Variants in SV2C observed in about 807,000 individuals in gnomAD.
SV2C encodes synaptic vesicle glycoprotein 2C, also known as solute carrier family 22 member B3.
A neutral mutation model predicts 79.7 loss-of-function variants in SV2C; 49 were observed. The ratio of observed to expected loss-of-function variants is 0.61; its 90% CI spans 0.49 to 0.78. SV2C has a LOEUF of 0.78. Ranked by LOEUF, SV2C falls within the 30% of genes least tolerant of loss-of-function variation. The pLI is 0.00. For missense variants in SV2C, 833 were observed against 912.9 expected (o/e 0.91, Z 1.13); for synonymous variants, 334 against 333.2 (o/e 1.00, Z -0.03).
chr5:75,916,580 T>G, the SV2C span, among the ~76,000 whole-genome samples: 1 of 152,078 alleles, frequency 6.6e-6, no homozygotes, highest in Non-Finnish European at 1.5e-5. Flanking sequence ...GTTCAAGTGA[T>G]TGTCCCTGCC....
the SV2C span, among the ~76,000 whole-genome samples, chr5:75,892,790 T>A: frequency 6.6e-6 from 1 of 152,008 alleles, no homozygotes; most frequent in Non-Finnish European, 1.5e-5. Context: ...TGCGTTGTAT[T>A]CCATGTATCA....
At chr5:76,207,400 G>A (rs557031313) in intron 3 of SV2C, among the ~76,000 whole-genome samples, 11 of 152,128 alleles carry the variant, frequency 7.2e-5, no homozygotes, top group East Asian at 5.8e-4. Flanking sequence ...GCAGAGAAAC[G>A]GATTCTTCAC....
At chr5:76,085,855 A>ACACACACG (rs1747174753) in intron 1 of SV2C, among the ~76,000 whole-genome samples, 1 of 151,896 alleles carries the variant, frequency 6.6e-6, no homozygotes, top group Non-Finnish European at 1.5e-5. Context: ...ACACACACAC[A>ACACACACG]CACAGAATTT....
the SV2C span, among the ~76,000 whole-genome samples, chr5:76,077,938 TTGGAA>T: frequency 6.6e-6 from 1 of 152,106 alleles, no homozygotes; most frequent in Non-Finnish European, 1.5e-5. Context: ...ATTGTACTGG[TTGGAA>T]TGAATACCTG....
chr5:76,006,423 A>G, the SV2C span, among the ~76,000 whole-genome samples: 2 of 152,210 alleles, frequency 1.3e-5, no homozygotes, highest in African/African-American at 2.4e-5. Context: ...GCAGTGTACA[A>G]TATGGGGGCA....
At chr5:76,340,189 A>G (rs1354747629) in intron 12 of SV2C, among the ~76,000 whole-genome samples, 1 of 152,212 alleles carries the variant, frequency 6.6e-6, no homozygotes, top group East Asian at 1.9e-4. Context: ...AGGGGGAGGA[A>G]CCCTCAGTTA....
chr5:76,342,053 G>T (rs1481706851), intron 12 of SV2C, among the ~76,000 whole-genome samples: 1 of 152,150 alleles, frequency 6.6e-6, no homozygotes, highest in African/African-American at 2.4e-5. Flanking sequence ...CACAAAAGCA[G>T]CCTGCACAGG....
the SV2C span, among the ~76,000 whole-genome samples, chr5:75,992,068 C>A: frequency 1.3e-5 from 2 of 151,840 alleles, no homozygotes; most frequent in Non-Finnish European, 2.9e-5. Context: ...ACTGGGATTT[C>A]AATTGGGTTT....
chr5:76,146,796 T>TAAAAA (rs1561236349), intron 2 of SV2C, among the ~76,000 whole-genome samples: 5 of 67,096 alleles, frequency 7.5e-5, no homozygotes, highest in Non-Finnish European at 1.3e-4. Context: ...GAGTTTTTTT[T>TAAAAA]TAAAAAAAAA....
intron 2 of SV2C, among the ~76,000 whole-genome samples, chr5:76,163,525 AC>A (rs1742958424): frequency 6.6e-6 from 1 of 152,150 alleles, no homozygotes; most frequent in Admixed American, 6.5e-5. Context: ...GTGCTGTCAC[AC>A]CAGCTAGTTT....
intron 12 of SV2C, among the ~76,000 whole-genome samples, chr5:76,319,647 C>T (rs906719121): frequency 6.6e-6 from 1 of 152,084 alleles, no homozygotes; most frequent in Non-Finnish European, 1.5e-5. Flanking sequence ...TTTCAAAACC[C>T]TCAGATACCA....
At chr5:75,911,568 C>T in the SV2C span, 7 of 671,082 alleles carry the variant, frequency 1.0e-5, no homozygotes, top group Admixed American at 1.6e-4. Context: ...CCCTAGAGTT[C>T]TCCCCTAATC....
the SV2C span, among the ~76,000 whole-genome samples, chr5:75,895,256 T>C: frequency 6.6e-6 from 1 of 152,042 alleles, no homozygotes; most frequent in African/African-American, 2.4e-5. Flanking sequence ...TTATATAACA[T>C]TGAAATAAAT....
At chr5:76,039,464 AAG>A in the SV2C span, among the ~76,000 whole-genome samples, 1 of 152,164 alleles carries the variant, frequency 6.6e-6, no homozygotes, top group Non-Finnish European at 1.5e-5. Flanking sequence ...TTGTACAGAA[AAG>A]AAATTGAGGC....
chr5:75,905,419 T>C, the SV2C span, among the ~76,000 whole-genome samples: 1 of 152,202 alleles, frequency 6.6e-6, no homozygotes, highest in Non-Finnish European at 1.5e-5. Context: ...AAAAGATGTA[T>C]GCCCATGTTG....
the SV2C span, among the ~76,000 whole-genome samples, chr5:76,011,478 T>C: frequency 6.6e-6 from 1 of 152,190 alleles, no homozygotes. Flanking sequence ...TTAAACATGA[T>C]GCCTAACACA....
chr5:76,290,445 C>A (rs555253974), intron 6 of SV2C, among the ~76,000 whole-genome samples: 2 of 152,294 alleles, frequency 1.3e-5, no homozygotes, highest in East Asian at 1.9e-4. Context: ...ACAGGTAAAT[C>A]TTGATTAGCA....
At chr5:76,174,208 A>G (rs751825464) in intron 2 of SV2C, 3 of 1,607,592 alleles carry the variant, frequency 1.9e-6, no homozygotes, top group Admixed American at 1.7e-5. Context: ...AAAACCTAGT[A>G]CTCTGCGAAC....
the SV2C span, among the ~76,000 whole-genome samples, chr5:76,064,104 C>T: frequency 2.0e-5 from 3 of 152,316 alleles, no homozygotes; most frequent in South Asian, 4.1e-4. Flanking sequence ...TATCCTCTTA[C>T]TCCACACAGA....
Sources: allele counts gnomAD v4.1 joint callset (sites outside exome capture counted in the v4.1 genomes callset), GRCh38; gene constraint gnomAD v4.1.1; transcripts MANE v1.5; gene names NCBI Gene and HGNC (gene_info 2026-07-23, HGNC 2026-07-21).